The following CSF1R variants were observed in gnomAD, a reference collection of about 807,000 sequenced individuals.
The protein encoded by CSF1R is colony stimulating factor 1 receptor.
In CSF1R, 40 loss-of-function variants were observed where a neutral mutation model predicts 110.0. The ratio of observed to expected loss-of-function variants is 0.36; its 90% CI spans 0.28 to 0.47. The LOEUF (loss-of-function observed/expected upper bound fraction) is 0.47, where lower values mean the gene tolerates loss of function less well. CSF1R is among the 20% of genes least tolerant of loss of function. The probability of loss-of-function intolerance (pLI) is 0.99; values close to 1 mark genes in which losing one functional copy is unlikely to be tolerated. For missense variants in CSF1R, 1,052 were observed against 1,253.0 expected (o/e 0.84, Z 2.42); for synonymous variants, 523 against 503.4 (o/e 1.04, Z -0.52).
intron 6 of CSF1R, 21 bp downstream of exon 6, chr5:150,073,280 A>G: frequency 1.2e-6 from 2 of 1,605,560 alleles, no homozygotes; most frequent in East Asian, 2.2e-5. Flanking sequence ...GGCTGTGTAG[A>G]CGGGAGCTGA....
At chr5:150,068,656 GTGCCCAGCCATGGCTTGCA>G (rs1406205983) in intron 9 of CSF1R, among the ~76,000 whole-genome samples, 1 of 152,284 alleles carries the variant, frequency 6.6e-6, no homozygotes, top group East Asian at 1.9e-4. Flanking sequence ...GCCTGGCCTG[GTGCCCAGCCATGGCTTGCA>G]TGCACTACAC....
In CSF1R at chr5:150,053,987, G is replaced by C; in HGVS notation, c.*82C>G. On this transcript the variant is annotated 3_prime_UTR_variant, in exon 21 of 21. Transcript: ENST00000675795. ...AGTGAAATGACCGAAGGCAGAGTTT[G>C]TATGTTCTCCCCGTGTCGCCCCATC... 1 of 1,389,048 alleles carries C rather than the reference G, an allele frequency of 7.2e-7. No individual in the cohort carries two copies. 86.0% of individuals were successfully genotyped at this position (1,389,048 alleles called of 1,614,324 possible).
At chr5:150,072,221 C>T (rs1395121060) in intron 6 of CSF1R, among the ~76,000 whole-genome samples, 11 of 152,182 alleles carry the variant, frequency 7.2e-5, no homozygotes, top group East Asian at 3.9e-4. Context: ...AGGCCAGGCA[C>T]GATGGCTCAC....
intron 5 of CSF1R, 166 bp downstream of exon 5, chr5:150,077,110 G>A (rs939482605): frequency 1.8e-5 from 15 of 832,234 alleles, no homozygotes; most frequent in African/African-American, 3.4e-5. Context: ...GAGGGTAAGG[G>A]AAAGCTCCTG....
At chr5:150,058,750 C>T (rs1168176149) in intron 14 of CSF1R, among the ~76,000 whole-genome samples, 2 of 151,578 alleles carry the variant, frequency 1.3e-5, no homozygotes, top group African/African-American at 2.4e-5. Flanking sequence ...CCTCCCCAGG[C>T]GTGGCAGCTG....
At chr5:150,073,578 C>G (rs1427818380) in intron 5 of CSF1R, 85 bp from the exon 6 acceptor site, 1 of 1,420,464 alleles carries the variant, frequency 7.0e-7, no homozygotes, top group Non-Finnish European at 9.7e-7. Flanking sequence ...CCCATTGATC[C>G]AGTCCCTGAG....
intron 1 of CSF1R, among the ~76,000 whole-genome samples, chr5:150,096,345 G>A (rs1388422197): frequency 2.0e-5 from 3 of 152,130 alleles, no homozygotes; most frequent in Non-Finnish European, 2.9e-5. Flanking sequence ...AGCTGAGATC[G>A]TGCCATTGCA....
upstream of CSF1R, among the ~76,000 whole-genome samples, chr5:150,087,000 C>T (rs372429519): frequency 3.9e-5 from 6 of 152,150 alleles, no homozygotes; most frequent in Non-Finnish European, 7.3e-5. Context: ...ATTTTAGAGA[C>T]GCAGTTTCAC....
At chr5:150,076,080 T>A (rs1269046014) in intron 5 of CSF1R, among the ~76,000 whole-genome samples, 1 of 152,228 alleles carries the variant, frequency 6.6e-6, no homozygotes, top group Non-Finnish European at 1.5e-5. Flanking sequence ...CTGAGTCCAG[T>A]GACTGCCACT....
At chr5:150,104,033 G>T (rs1354524926) in intron 1 of CSF1R, among the ~76,000 whole-genome samples, 1 of 151,934 alleles carries the variant, frequency 6.6e-6, no homozygotes, top group South Asian at 2.1e-4. Context: ...GGGTGGGAGG[G>T]GGGTACCTGC....
At chr5:150,103,226 A>C (rs1759456580) in intron 1 of CSF1R, among the ~76,000 whole-genome samples, 1 of 152,208 alleles carries the variant, frequency 6.6e-6, no homozygotes, top group African/African-American at 2.4e-5. Context: ...GGCCAATACC[A>C]TTCCCTGTGC....
rs1757963561 is a variant in CSF1R, at chr5:150,070,012, G to A, written c.1371C>T (p.Val457=). 1.2e-6 allele frequency: 2 copies of A among 1,614,102 alleles called. No individual in the cohort carries two copies. The highest frequency in any genetic ancestry group is 1.7e-6 in the Non-Finnish European group (2 of 1,179,996). The change falls in exon 9 of 21, where the codon GTC becomes GTT. Residue 457 remains valine (V), a synonymous_variant. Transcript: ENST00000675795. The part of the protein sequence containing the change: ...LQVWDDPYPE[V]LSQEPFHKVT... ...CCTTGTGGAAGGGCTCCTGGCTCAG[G>A]ACCTCAGGGTATGGGTCATCCCAGA...
chr5:150,064,047 C>T (rs770731778), intron 10 of CSF1R, among the ~76,000 whole-genome samples: 1 of 152,094 alleles, frequency 6.6e-6, no homozygotes, highest in Non-Finnish European at 1.5e-5. Context: ...AAATTAACAC[C>T]GAAACAGAAA....
At chr5:150,074,560 C>A (rs1264282689) in intron 5 of CSF1R, among the ~76,000 whole-genome samples, 2 of 152,074 alleles carry the variant, frequency 1.3e-5, no homozygotes, top group Non-Finnish European at 2.9e-5. Flanking sequence ...GTGGCAAGAA[C>A]CCCAATTCAC....
chr5:150,085,719 G>T (rs555903860), intron 1 of CSF1R, among the ~76,000 whole-genome samples: 192 of 152,194 alleles, frequency 1.3e-3, no homozygotes, highest in Non-Finnish European at 2.5e-3. Flanking sequence ...GGCCAGAGAG[G>T]CCAACCTCTT....
intron 1 of CSF1R, among the ~76,000 whole-genome samples, chr5:150,085,358 C>T (rs762298272): frequency 7.3e-5 from 11 of 150,954 alleles, no homozygotes. Context: ...GCCATCTCCT[C>T]CTCATCAGGG....
chr5:150,100,290 C>CTTTTTTTTTTTTTTTTTTTTTTTTTTTT lies in CSF1R; in HGVS notation c.-181+12970_-181+12971insAAAAAAAAAAAAAAAAAAAAAAAAAAAA, dbSNP rs752638971. Among the ~76,000 whole-genome samples the CTTTTTTTTTTTTTTTTTTTTTTTTTTTT allele has an allele frequency of 3.4e-5, 3 of 89,348 alleles. 1 individual carries two copies. The highest frequency in any genetic ancestry group is 4.6e-5 in the African/African-American group (1 of 21,596). 58.6% of individuals were successfully genotyped at this position (89,348 alleles called of 152,430 possible). A position where few individuals can be genotyped will look rare whatever the true frequency, so the allele number is the denominator to read the frequency against. On this transcript the variant is annotated intron_variant, in intron 1 of 21. Transcript: ENST00000286301. ...AGTGAACCTAAGATCATTGGCTAAC[C>CTTTTTTTTTTTTTTTTTTTTTTTTTTTT]TTTTTTTTTTTTTTTTTTTTTTTCT...
chr5:150,057,326 G>C lies in CSF1R; in HGVS notation c.2280C>G (p.Ser760Arg), dbSNP rs1180235943. ...LELRDLLHFSSQVAQGMAFLA... is the reference protein window; with the variant it reads ...LELRDLLHFSRQVAQGMAFLA... ...GGAAGGCCATGCCCTGGGCTACTTG[G>C]CTGGAGAAGTGAAGCAGGTCCCGGA... The change falls in exon 16 of 21, where the codon AGC (serine) becomes AGG (arginine). Residue 760 changes from serine to arginine, a missense_variant. Physicochemically the swap from Ser to Arg is moderately radical, Grantham distance 110. Around this residue, in one of 5 missense-constraint regions of CSF1R, gnomAD observed 124 missense variants for 117.7 expected, o/e 1.05. Coordinates refer to ENST00000675795, the MANE Select transcript of CSF1R (RefSeq NM_001288705.3). The C allele has an allele frequency of 3.1e-6, 5 of 1,613,868 alleles. No individual in the cohort carries two copies. In the African/African-American group the frequency reaches 6.7e-5, roughly 22 times the overall value.
At chr5:150,070,113 A>G (rs764494733) in intron 8 of CSF1R, 50 bp from the exon 9 acceptor site, 2 of 1,609,214 alleles carry the variant, frequency 1.2e-6, no homozygotes, top group Non-Finnish European at 1.7e-6. Flanking sequence ...CAGCGCCAGC[A>G]TGTCCCTCCC....
Sources: allele counts gnomAD v4.1 joint callset (sites outside exome capture counted in the v4.1 genomes callset), GRCh38; gene constraint gnomAD v4.1.1; regional missense constraint gnomAD v4.1.1; transcripts MANE v1.5; gene names NCBI Gene and HGNC (gene_info 2026-07-23, HGNC 2026-07-21).